Variants in CALN1 observed in about 807,000 individuals in gnomAD.
CALN1 encodes the protein calcium-binding protein 8.
CALN1 carries 17 observed loss-of-function variants against 30.6 expected under a neutral mutation model. That is an observed-to-expected ratio of 0.56 (90% CI 0.38 to 0.83). The LOEUF is 0.83. CALN1 is among the 40% of genes least tolerant of loss of function. CALN1 has a pLI of 0.00. For synonymous variants in CALN1, 156 were observed against 131.4 expected (o/e 1.19, Z -1.28); for missense variants, 291 against 354.9 (o/e 0.82, Z 1.45).
chr7:72,057,914 A>G (rs1315146896), intron 4 of CALN1, among the ~76,000 whole-genome samples: 1 of 152,158 alleles, frequency 6.6e-6, no homozygotes, highest in Non-Finnish European at 1.5e-5. Flanking sequence ...CTTGAGGGGT[A>G]ATGGTTCTGG....
chr7:72,377,624 T>C (rs1340461893), intron 2 of CALN1, among the ~76,000 whole-genome samples: 2 of 152,208 alleles, frequency 1.3e-5, no homozygotes, highest in Admixed American at 6.5e-5. Flanking sequence ...TTCTCTGAAC[T>C]AATTTTGTAA....
At position 72,141,942 on chromosome 7, in the gene CALN1, T is replaced by G. The variant is rs117594445; in HGVS notation, c.245-35648A>C. On this transcript the variant is annotated intron_variant, in intron 3 of 6. Transcript: ENST00000395275. ...GATTACACCTGCACAGTGATCTGTT[T>G]TGGATGCTTGTCCCCTCCACATTTC... Among the ~76,000 whole-genome samples, 609 of 152,306 alleles carry G rather than the reference T, an allele frequency of 4.0e-3. 5 individuals carry two copies. Among genetic ancestry groups the G allele is most frequent in the Middle Eastern group, 6.8e-3 (2 of 294 alleles).
chr7:72,119,207 A>G (rs992439619), intron 3 of CALN1, among the ~76,000 whole-genome samples: 2 of 152,198 alleles, frequency 1.3e-5, no homozygotes, highest in African/African-American at 4.8e-5. Context: ...TACAAAAGAA[A>G]GAGGTTTAAT....
At chr7:72,335,708 G>A (rs1562899444) in intron 2 of CALN1, among the ~76,000 whole-genome samples, 3 of 152,220 alleles carry the variant, frequency 2.0e-5, no homozygotes, top group Non-Finnish European at 4.4e-5. Flanking sequence ...GAAGAAAGGC[G>A]CCTTCCTCAC....
intron 2 of CALN1, among the ~76,000 whole-genome samples, chr7:72,291,943 G>A (rs1046711260): frequency 6.6e-6 from 1 of 151,276 alleles, no homozygotes; most frequent in African/African-American, 2.4e-5. Context: ...CAATGTGATG[G>A]TATTAGCAGA....
chr7:71,855,578 C>T (rs1048710682), intron 5 of CALN1, among the ~76,000 whole-genome samples: 4 of 152,122 alleles, frequency 2.6e-5, no homozygotes, highest in Non-Finnish European at 5.9e-5. Context: ...GGAGCTAGGG[C>T]TGCAAAGAAG....
chr7:72,320,344 G>T lies in CALN1; in HGVS notation c.120-41534C>A, dbSNP rs140598392. 2.4e-3 allele frequency among the ~76,000 whole-genome samples: 368 copies of T among 152,224 alleles called. 1 individual carries two copies. The highest frequency in any genetic ancestry group is 8.0e-3 in the African/African-American group (331 of 41,532). On this transcript the variant is annotated intron_variant, in intron 2 of 6. Coordinates refer to ENST00000395275, the MANE Select transcript of CALN1 (RefSeq NM_031468.4). ...CCCAGGAAATCCAGTCCAGTGAGTC[G>T]AGCCTGAAGTGCGGGAGGATTCAGG...
chr7:72,097,313 A>G (rs75332174), intron 4 of CALN1, among the ~76,000 whole-genome samples: 1 of 152,236 alleles, frequency 6.6e-6, no homozygotes, highest in African/African-American at 2.4e-5. Flanking sequence ...TGTAAAAAAA[A>G]GAACACTGAA....
chr7:72,035,427 A>G (rs1801737465), intron 4 of CALN1, among the ~76,000 whole-genome samples: 1 of 152,198 alleles, frequency 6.6e-6, no homozygotes, highest in African/African-American at 2.4e-5. Context: ...ATGTTGTAGC[A>G]TATGCCAGCA....
At chr7:72,243,444 C>T (rs1017241285) in intron 3 of CALN1, among the ~76,000 whole-genome samples, 1 of 152,156 alleles carries the variant, frequency 6.6e-6, no homozygotes, top group Non-Finnish European at 1.5e-5. Context: ...AACTGTCTAA[C>T]GTTTGTTTGT....
rs111355348 is a variant in CALN1 at position 72,368,316 on chromosome 7, C to G, written c.119+34935G>C. Reference sequence around the variant, plus strand: ...TATTCAGTTTGTGGAAAGCTGTACACTTGTGATTTGTGCACTTTTTACATA... The same window carrying G: ...TATTCAGTTTGTGGAAAGCTGTACAGTTGTGATTTGTGCACTTTTTACATA... On this transcript the variant is annotated intron_variant, in intron 2 of 6. Transcript: ENST00000395275. Among the ~76,000 whole-genome samples, 9 of 151,062 alleles carry G rather than the reference C, an allele frequency of 6.0e-5. 1 individual carries two copies. Among genetic ancestry groups the G allele is most frequent in the South Asian group, 4.2e-4 (2 of 4,770 alleles).
chr7:71,992,612 C>T (rs1309965147), intron 5 of CALN1, among the ~76,000 whole-genome samples: 1 of 152,192 alleles, frequency 6.6e-6, no homozygotes. Context: ...CCAGCCTTGA[C>T]CTTCCAAACC....
the CALN1 span, among the ~76,000 whole-genome samples, chr7:72,485,120 T>G: frequency 6.6e-6 from 1 of 152,190 alleles, no homozygotes; most frequent in Non-Finnish European, 1.5e-5. Context: ...CTAGGCATGG[T>G]AGTATGTGCC....
rs59664699 is a variant in CALN1 at position 72,046,709 on chromosome 7, TAAA to T, written c.389-22943_389-22941del. ...TGGGCAACAGAGCGAGACTCCCTCT[TAAA>T]AAAAAAAAAAAAAAAAAAAAAAAAA... On this transcript the variant is annotated intron_variant, in intron 4 of 6. Coordinates refer to ENST00000395275, the MANE Select transcript of CALN1 (RefSeq NM_031468.4). Among the ~76,000 whole-genome samples the T allele has an allele frequency of 2.3e-4, 12 of 51,858 alleles. No homozygotes were observed. The East Asian group carries it at 3.5e-3, about 15-fold the overall frequency. The allele number at this position is 51,858 out of a possible 152,430, so 34.0% of individuals were successfully genotyped here.
intron 1 of CALN1, among the ~76,000 whole-genome samples, chr7:72,406,824 C>T (rs991165827): frequency 2.6e-5 from 4 of 152,080 alleles, no homozygotes; most frequent in African/African-American, 9.7e-5. Flanking sequence ...CCATCTTGGC[C>T]AGGCTGGTCT....
At chr7:72,393,464 A>C (rs1001337957) in intron 2 of CALN1, among the ~76,000 whole-genome samples, 3 of 152,198 alleles carry the variant, frequency 2.0e-5, no homozygotes, top group Admixed American at 6.5e-5. Flanking sequence ...ACTCCGTCTC[A>C]AAAAACAAAA....
At chr7:72,153,026 T>A (rs1183879424) in intron 3 of CALN1, among the ~76,000 whole-genome samples, 1 of 152,186 alleles carries the variant, frequency 6.6e-6, no homozygotes, top group Non-Finnish European at 1.5e-5. Context: ...TAGAACAGGC[T>A]AGAACCTCAG....
chr7:72,415,015 C>T (rs1369577114), upstream of CALN1, among the ~76,000 whole-genome samples: 2 of 152,214 alleles, frequency 1.3e-5, no homozygotes, highest in South Asian at 4.1e-4. Flanking sequence ...AGAGGGATCT[C>T]TATCTCTGCC....
chr7:71,973,181 T>C (rs535282965), intron 5 of CALN1, among the ~76,000 whole-genome samples: 1 of 152,112 alleles, frequency 6.6e-6, no homozygotes, highest in Non-Finnish European at 1.5e-5. Context: ...GGTTTTTTTT[T>C]TCCCTTTTTT....
Sources: allele counts gnomAD v4.1 joint callset (sites outside exome capture counted in the v4.1 genomes callset), GRCh38; gene constraint gnomAD v4.1.1; transcripts MANE v1.5; gene names NCBI Gene and HGNC (gene_info 2026-07-23, HGNC 2026-07-21).